Variants in PTPRD observed in about 807,000 individuals in gnomAD.
The protein encoded by PTPRD is protein tyrosine phosphatase receptor type D.
PTPRD carries 34 observed loss-of-function variants against 214.5 expected under a neutral mutation model. The observed-to-expected ratio is 0.16, with a 90% CI of 0.12 to 0.21. PTPRD has a LOEUF of 0.21. PTPRD is among the 10% of genes least tolerant of loss of function. PTPRD has a pLI of 1.00. For synonymous variants in PTPRD, 1,128 were observed against 845.7 expected, an observed-to-expected ratio of 1.33 and a Z score of -5.79; for missense variants, 2,545 against 2,398.7, an observed-to-expected ratio of 1.06 and a Z score of -1.27.
chr9:10,330,963 C>T (rs1038789420), intron 3 of PTPRD, among the ~76,000 whole-genome samples: 3 of 151,762 alleles, frequency 2.0e-5, no homozygotes, highest in African/African-American at 7.3e-5. Flanking sequence ...TCCAGTTTAT[C>T]TTTATGGGTC....
chr9:8,688,047 G>C (rs1452610966), intron 12 of PTPRD, among the ~76,000 whole-genome samples: 4 of 152,144 alleles, frequency 2.6e-5, no homozygotes, highest in African/African-American at 4.8e-5. Context: ...GACAATATGA[G>C]AGTTATGTGG....
rs1041556621 is a variant in PTPRD, at chr9:8,462,174, G to A, written c.3715-1603C>T. 2.6e-5 allele frequency among the ~76,000 whole-genome samples: 4 copies of A among 151,920 alleles called. No individual in the cohort carries two copies. In the East Asian group the frequency reaches 7.8e-4, roughly 29 times the overall value. On this transcript the variant is annotated intron_variant, in intron 32 of 45. Transcript: ENST00000381196. ...AGTATGAGTTTCTTAATTTTTCCCAGATCCTTCTTCCCTTCCTCCTCACTT... is the reference window on the plus strand; with the variant it reads ...AGTATGAGTTTCTTAATTTTTCCCAAATCCTTCTTCCCTTCCTCCTCACTT...
chr9:8,560,760 A>C (rs1424775742), intron 14 of PTPRD, among the ~76,000 whole-genome samples: 1 of 152,196 alleles, frequency 6.6e-6, no homozygotes, highest in African/African-American at 2.4e-5. Context: ...CTGTATAAGG[A>C]GCATAAAATG....
At chr9:9,811,411 T>C (rs942965330) in intron 5 of PTPRD, among the ~76,000 whole-genome samples, 5 of 151,976 alleles carry the variant, frequency 3.3e-5, no homozygotes, top group Admixed American at 6.6e-5. Context: ...TTCTTAAGGA[T>C]GAGCAAAGAA....
chr9:8,637,305 A>T (rs1225158292), intron 12 of PTPRD, among the ~76,000 whole-genome samples: 2 of 152,198 alleles, frequency 1.3e-5, no homozygotes, highest in East Asian at 1.9e-4. Flanking sequence ...AATGCTAGGA[A>T]ATTTTAAAGA....
chr9:10,234,453 T>C (rs540797981), intron 3 of PTPRD, among the ~76,000 whole-genome samples: 1 of 152,002 alleles, frequency 6.6e-6, no homozygotes, highest in Admixed American at 6.6e-5. Context: ...TCTATTTTAG[T>C]TCATTAACTA....
intron 3 of PTPRD, among the ~76,000 whole-genome samples, chr9:10,324,172 G>C (rs971226313): frequency 9.2e-5 from 14 of 152,046 alleles, no homozygotes; most frequent in Admixed American, 2.0e-4. Flanking sequence ...CTTCTCTAAA[G>C]AGAGGGACTA....
At chr9:10,220,759 G>A (rs910942244) in intron 3 of PTPRD, among the ~76,000 whole-genome samples, 3 of 151,770 alleles carry the variant, frequency 2.0e-5, no homozygotes, top group South Asian at 2.1e-4. Flanking sequence ...TCTATTATAT[G>A]TGTTTGTATA....
At chr9:8,980,131 T>G (rs1057147297) in intron 11 of PTPRD, among the ~76,000 whole-genome samples, 1 of 151,724 alleles carries the variant, frequency 6.6e-6, no homozygotes, top group African/African-American at 2.4e-5. Context: ...GCCAGACACA[T>G]AAATAAAAAT....
intron 7 of PTPRD, among the ~76,000 whole-genome samples, chr9:9,604,405 A>G (rs12377255): frequency 0.37 from 56,195 of 151,914 alleles, 10,869 homozygotes; most frequent in Middle Eastern, 0.47. Context: ...TAATCTAAAT[A>G]ATTTATACAT....
At chr9:9,771,610 A>T (rs548974260) in intron 5 of PTPRD, among the ~76,000 whole-genome samples, 33 of 152,284 alleles carry the variant, frequency 2.2e-4, no homozygotes, top group African/African-American at 7.7e-4. Context: ...AAAATAACTT[A>T]CTTTTTTCAA....
intron 2 of PTPRD, among the ~76,000 whole-genome samples, chr9:10,543,477 T>TACACACACACACACACACACAC (rs370246328): frequency 7.1e-6 from 1 of 141,284 alleles, no homozygotes; most frequent in South Asian, 2.3e-4. Flanking sequence ...AATATATATA[T>TACACACACACACACACACACAC]ATACACACAC....
At chr9:10,038,752 A>G (rs2097238240) in intron 3 of PTPRD, among the ~76,000 whole-genome samples, 1 of 152,008 alleles carries the variant, frequency 6.6e-6, no homozygotes, top group South Asian at 2.1e-4. Context: ...TCTTTTATTC[A>G]TCTATTCTCA....
intron 3 of PTPRD, among the ~76,000 whole-genome samples, chr9:10,243,022 G>C (rs2091415880): frequency 6.6e-6 from 1 of 151,820 alleles, no homozygotes; most frequent in South Asian, 2.1e-4. Flanking sequence ...CACATTTCTG[G>C]TTTTGTAACT....
At chr9:9,884,578 G>T (rs1278596799) in intron 5 of PTPRD, among the ~76,000 whole-genome samples, 1 of 152,128 alleles carries the variant, frequency 6.6e-6, no homozygotes, top group African/African-American at 2.4e-5. Flanking sequence ...GACACTATTT[G>T]TAGAAGTCTG....
intron 9 of PTPRD, among the ~76,000 whole-genome samples, chr9:9,265,555 A>G (rs1179815738): frequency 1.3e-5 from 2 of 151,584 alleles, no homozygotes; most frequent in African/African-American, 4.8e-5. Flanking sequence ...AATTTAAAAG[A>G]TGTAAATTGT....
At chr9:9,778,604 C>T (rs2098818098) in intron 5 of PTPRD, among the ~76,000 whole-genome samples, 1 of 152,140 alleles carries the variant, frequency 6.6e-6, no homozygotes, top group Non-Finnish European at 1.5e-5. Flanking sequence ...TCCCATGCTC[C>T]CTGTCTGCCC....
chr9:10,170,542 C>A (rs1295418863), intron 3 of PTPRD, among the ~76,000 whole-genome samples: 1 of 151,996 alleles, frequency 6.6e-6, no homozygotes, highest in African/African-American at 2.4e-5. Context: ...AAAAAATTAA[C>A]CAGGCGTGGT....
chr9:8,822,420 T>C (rs1390656913), intron 11 of PTPRD, among the ~76,000 whole-genome samples: 2 of 152,216 alleles, frequency 1.3e-5, no homozygotes, highest in Non-Finnish European at 2.9e-5. Flanking sequence ...AGAGAAAGTA[T>C]ACTTTAAATT....
Sources: allele counts gnomAD v4.1 joint callset (sites outside exome capture counted in the v4.1 genomes callset), GRCh38; gene constraint gnomAD v4.1.1; transcripts MANE v1.5; gene names NCBI Gene and HGNC (gene_info 2026-07-23, HGNC 2026-07-21).